The following ROBO1 variants were observed in gnomAD, a reference collection of about 807,000 sequenced individuals.
The protein encoded by ROBO1 is roundabout homolog 1.
In ROBO1, 149 loss-of-function variants were observed where a neutral mutation model predicts 195.9. The observed-to-expected ratio is 0.76, with a 90% CI of 0.67 to 0.87. The LOEUF (loss-of-function observed/expected upper bound fraction) is 0.87. Among genes scored for constraint, ROBO1 ranks in the 40% least tolerant of loss-of-function variants. ROBO1 has a pLI of 0.00. For synonymous variants in ROBO1, 816 were observed against 733.2 expected, an observed-to-expected ratio of 1.11 and a Z score of -1.82; for missense variants, 1,933 against 2,068.3, an observed-to-expected ratio of 0.93 and a Z score of 1.27.
chr3:79,629,412 TA>T (rs1945272368), intron 1 of ROBO1, among the ~76,000 whole-genome samples: 1 of 151,622 alleles, frequency 6.6e-6, no homozygotes, highest in Admixed American at 6.6e-5. Context: ...TTTGGGTAAA[TA>T]AAAAAATTAA....
At chr3:79,213,993 G>A (rs1439481241) in intron 2 of ROBO1, among the ~76,000 whole-genome samples, 2 of 151,382 alleles carry the variant, frequency 1.3e-5, no homozygotes, top group East Asian at 2.0e-4. Flanking sequence ...GCCCTGCTAA[G>A]TTTTATATTT....
intron 1 of ROBO1, among the ~76,000 whole-genome samples, chr3:79,746,271 T>G (rs989009596): frequency 2.0e-5 from 3 of 151,974 alleles, no homozygotes; most frequent in African/African-American, 7.2e-5. Flanking sequence ...ATACTGAGAT[T>G]TTGGAGATAA....
At chr3:78,877,443 A>G (rs1453964067) in intron 4 of ROBO1, among the ~76,000 whole-genome samples, 1 of 152,100 alleles carries the variant, frequency 6.6e-6, no homozygotes, top group Non-Finnish European at 1.5e-5. Flanking sequence ...AACATCCCTA[A>G]AATAAATCTA....
At chr3:79,121,876 G>C (rs1027505746) in intron 3 of ROBO1, among the ~76,000 whole-genome samples, 1 of 151,738 alleles carries the variant, frequency 6.6e-6, no homozygotes, top group Non-Finnish European at 1.5e-5. Context: ...ATGTTAGTAG[G>C]ATTTCATTAG....
At chr3:78,853,280 T>C (rs904501030) in intron 4 of ROBO1, among the ~76,000 whole-genome samples, 1 of 151,618 alleles carries the variant, frequency 6.6e-6, no homozygotes, top group Non-Finnish European at 1.5e-5. Context: ...AAGTAGCACA[T>C]AAAGGAGACA....
chr3:78,901,840 G>A (rs1414699567), intron 4 of ROBO1, among the ~76,000 whole-genome samples: 3 of 152,128 alleles, frequency 2.0e-5, no homozygotes, highest in East Asian at 3.8e-4. Context: ...CATTAGAGTG[G>A]CTACTTTTTC....
At chr3:79,451,244 T>G (rs1489104415) in intron 2 of ROBO1, among the ~76,000 whole-genome samples, 2 of 152,050 alleles carry the variant, frequency 1.3e-5, no homozygotes, top group Non-Finnish European at 2.9e-5. Context: ...TGCTGGAAAC[T>G]TCACAAAAAA....
At chr3:79,237,004 A>T (rs1426117937) in intron 2 of ROBO1, among the ~76,000 whole-genome samples, 1 of 152,168 alleles carries the variant, frequency 6.6e-6, no homozygotes, top group Non-Finnish European at 1.5e-5. Context: ...AATATAATGA[A>T]TTTGAGCACT....
At chr3:79,269,478 A>G (rs750066444) in intron 2 of ROBO1, among the ~76,000 whole-genome samples, 14 of 151,660 alleles carry the variant, frequency 9.2e-5, no homozygotes, top group Non-Finnish European at 1.8e-4. Context: ...CAAAGGGAAG[A>G]GACTTATTTA....
intron 2 of ROBO1, among the ~76,000 whole-genome samples, chr3:79,319,002 CA>C (rs1209206534): frequency 6.6e-6 from 1 of 152,082 alleles, no homozygotes; most frequent in Admixed American, 6.5e-5. Context: ...TTAAAAAGTA[CA>C]AGTGCAGTTT....
intron 2 of ROBO1, among the ~76,000 whole-genome samples, chr3:79,289,756 T>G (rs73122561): frequency 6.6e-6 from 1 of 152,142 alleles, no homozygotes. Flanking sequence ...GAACCACAAC[T>G]TGAACTTTGT....
At chr3:79,434,886 A>C (rs1167942766) in intron 2 of ROBO1, among the ~76,000 whole-genome samples, 1 of 152,208 alleles carries the variant, frequency 6.6e-6, no homozygotes, top group African/African-American at 2.4e-5. Flanking sequence ...TGTAGCCATA[A>C]AAAATGATGA....
At chr3:79,021,848 G>A (rs921606073) in intron 3 of ROBO1, among the ~76,000 whole-genome samples, 1 of 152,074 alleles carries the variant, frequency 6.6e-6, no homozygotes, top group Non-Finnish European at 1.5e-5. Context: ...TTTTAGTAGA[G>A]ACGGGGTTTC....
chr3:79,681,095 G>C (rs1946932932), intron 1 of ROBO1, among the ~76,000 whole-genome samples: 1 of 151,980 alleles, frequency 6.6e-6, no homozygotes, highest in African/African-American at 2.4e-5. Flanking sequence ...GTTTAGAAGA[G>C]ATTAACATTG....
chr3:79,018,626 G>A, intron 3 of ROBO1: 1 of 1,448,696 alleles, frequency 6.9e-7, no homozygotes, highest in Non-Finnish European at 9.1e-7. Context: ...CTTTCCGGAC[G>A]CTTGTCAGTA....
At chr3:78,857,860 C>A (rs1039092081) in intron 4 of ROBO1, among the ~76,000 whole-genome samples, 1 of 152,170 alleles carries the variant, frequency 6.6e-6, no homozygotes, top group Admixed American at 6.5e-5. Flanking sequence ...GACCCTTTTT[C>A]TCTGAAATCA....
chr3:78,760,508 T>C (rs2083071051), intron 4 of ROBO1, among the ~76,000 whole-genome samples: 1 of 152,192 alleles, frequency 6.6e-6, no homozygotes, highest in Admixed American at 6.5e-5. Context: ...AGCTCAGCTC[T>C]ATTATAATGG....
At chr3:79,408,245 T>A (rs9842267) in intron 2 of ROBO1, among the ~76,000 whole-genome samples, 2,701 of 151,628 alleles carry the variant, frequency 0.018, 93 homozygotes, top group African/African-American at 0.062. Context: ...TAAAAAAAAT[T>A]AAAAAATTTG....
chr3:79,559,696 A>T (rs1276955440), intron 2 of ROBO1, among the ~76,000 whole-genome samples: 1 of 152,084 alleles, frequency 6.6e-6, no homozygotes, highest in Non-Finnish European at 1.5e-5. Flanking sequence ...AGGCGGGCAG[A>T]TTACGAGGTC....
Sources: allele counts gnomAD v4.1 joint callset (sites outside exome capture counted in the v4.1 genomes callset), GRCh38; gene constraint gnomAD v4.1.1; transcripts MANE v1.5; gene names NCBI Gene and HGNC (gene_info 2026-07-23, HGNC 2026-07-21).